The following STK32B variants were observed in gnomAD, a reference collection of about 807,000 sequenced individuals.
STK32B encodes the protein serine/threonine kinase 32B, also known as serine/threonine-protein kinase 32B.
STK32B carries 43 observed loss-of-function variants against 52.6 expected under a neutral mutation model. The ratio of observed to expected loss-of-function variants is 0.82; its 90% confidence interval spans 0.64 to 1.05. STK32B has a LOEUF of 1.05. STK32B is among the 50% of genes least tolerant of loss of function. The probability of loss-of-function intolerance (pLI) is 0.00; values close to 1 mark genes in which losing one functional copy is unlikely to be tolerated. For synonymous variants in STK32B, 238 were observed against 204.3 expected, an observed-to-expected ratio of 1.17 and a Z score of -1.41; for missense variants, 621 against 534.6, an observed-to-expected ratio of 1.16 and a Z score of -1.59.
intron 6 of STK32B, among the ~76,000 whole-genome samples, chr4:5,442,571 G>C (rs1714895632): frequency 1.3e-5 from 2 of 151,050 alleles, no homozygotes; most frequent in Admixed American, 1.3e-4. Flanking sequence ...TTGCCAGTCT[G>C]TGTCTTTTAA....
At chr4:5,141,258 G>C (rs1280372897) in intron 2 of STK32B, among the ~76,000 whole-genome samples, 1 of 152,190 alleles carries the variant, frequency 6.6e-6, no homozygotes, top group Non-Finnish European at 1.5e-5. Context: ...CTCTCATACA[G>C]GGTGTCAGGG....
intron 3 of STK32B, among the ~76,000 whole-genome samples, chr4:5,187,789 G>A (rs2108760428): frequency 6.6e-6 from 1 of 152,324 alleles, no homozygotes; most frequent in East Asian, 1.9e-4. Context: ...AACTCTGCCA[G>A]ACTCAGATCT....
chr4:5,353,316 A>T (rs1733961179), intron 4 of STK32B, among the ~76,000 whole-genome samples: 4 of 151,880 alleles, frequency 2.6e-5, no homozygotes, highest in African/African-American at 9.7e-5. Flanking sequence ...GAAAACAAGG[A>T]AAACAATTCA....
At chr4:5,495,357 G>C (rs548987748) in intron 11 of STK32B, among the ~76,000 whole-genome samples, 2 of 152,114 alleles carry the variant, frequency 1.3e-5, no homozygotes, top group Admixed American at 6.5e-5. Flanking sequence ...ATTTCTTCCA[G>C]TTGATCTCAT....
intron 3 of STK32B, among the ~76,000 whole-genome samples, chr4:5,176,764 C>A (rs1442859549): frequency 6.6e-6 from 1 of 152,132 alleles, no homozygotes; most frequent in African/African-American, 2.4e-5. Flanking sequence ...TTTCTTGATC[C>A]TCTGTTCATG....
At position 5,431,433 on chromosome 4, in the gene STK32B, T is replaced by C. The variant is rs147702189; in HGVS notation, c.562+14499T>C. 4.0e-3 allele frequency among the ~76,000 whole-genome samples: 608 copies of C among 152,334 alleles called. 1 individual carries two copies. Among genetic ancestry groups the C allele is most frequent in the African/African-American group, 0.014 (571 of 41,580 alleles). ...AGAAGTTCATCTCAAGTTTCACATA[T>C]TGACTGTAAAATGCACTGATTCTAA... On this transcript the variant is annotated intron_variant, in intron 6 of 11. Coordinates refer to ENST00000282908, the MANE Select transcript of STK32B (RefSeq NM_018401.3).
chr4:5,173,387 T>A (rs1719556994), intron 3 of STK32B, among the ~76,000 whole-genome samples: 1 of 152,120 alleles, frequency 6.6e-6, no homozygotes. Flanking sequence ...TTCTTTTAAT[T>A]GTGATGTTAG....
At chr4:5,464,149 C>T (rs2109159848) in intron 9 of STK32B, among the ~76,000 whole-genome samples, 1 of 152,314 alleles carries the variant, frequency 6.6e-6, no homozygotes, top group South Asian at 2.1e-4. Flanking sequence ...CCAGATGTCT[C>T]ACCAGAGCTC....
At chr4:5,288,010 A>G (rs1728660677) in intron 3 of STK32B, among the ~76,000 whole-genome samples, 1 of 152,198 alleles carries the variant, frequency 6.6e-6, no homozygotes, top group Non-Finnish European at 1.5e-5. Flanking sequence ...CATACAACAT[A>G]TAACCTATTA....
intron 4 of STK32B, among the ~76,000 whole-genome samples, chr4:5,336,402 A>C (rs1732697620): frequency 6.6e-6 from 1 of 152,084 alleles, no homozygotes; most frequent in South Asian, 2.1e-4. Context: ...ACATCCAGGG[A>C]AATCTTCTAA....
At chr4:5,043,099 C>G in the STK32B span, among the ~76,000 whole-genome samples, 5 of 115,116 alleles carry the variant, frequency 4.3e-5, no homozygotes, top group African/African-American at 1.7e-4. Context: ...GGCGACAGAG[C>G]GAGACTCCGT....
At chr4:5,047,791 C>G (rs1010809741), upstream of STK32B, among the ~76,000 whole-genome samples, 5 of 152,082 alleles carry the variant, frequency 3.3e-5, no homozygotes, top group African/African-American at 1.2e-4. Context: ...ACAGTGGCCC[C>G]CAGTAAAATA....
chr4:5,376,410 TCTCTCTCC>T (rs1454769685), intron 4 of STK32B, among the ~76,000 whole-genome samples: 1 of 151,902 alleles, frequency 6.6e-6, no homozygotes, highest in African/African-American at 2.4e-5. Context: ...TCTTTCTCTC[TCTCTCTCC>T]CCTGCCCCCC....
intron 3 of STK32B, among the ~76,000 whole-genome samples, chr4:5,184,537 A>G (rs998727815): frequency 3.7e-4 from 57 of 152,114 alleles, no homozygotes; most frequent in African/African-American, 1.3e-3. Context: ...AAAATACAAA[A>G]GTTAGCTGGG....
chr4:5,286,593 A>G (rs528774234), intron 3 of STK32B, among the ~76,000 whole-genome samples: 8 of 152,232 alleles, frequency 5.3e-5, no homozygotes, highest in African/African-American at 1.9e-4. Context: ...TTAACATAAT[A>G]CCTGTGAGAT....
At chr4:5,288,592 C>CT (rs1392715253) in intron 3 of STK32B, among the ~76,000 whole-genome samples, 1 of 151,894 alleles carries the variant, frequency 6.6e-6, no homozygotes, top group African/African-American at 2.4e-5. Flanking sequence ...GTTTATTTGT[C>CT]TTTTTATTAT....
At chr4:5,159,561 G>A (rs1177863507) in intron 2 of STK32B, among the ~76,000 whole-genome samples, 1 of 29,916 alleles carries the variant, frequency 3.3e-5, no homozygotes, top group Non-Finnish European at 6.6e-5. Context: ...GAATATATAT[G>A]AATGAATATA....
At chr4:5,498,506 C>T (rs541660800) in intron 11 of STK32B, among the ~76,000 whole-genome samples, 1 of 152,218 alleles carries the variant, frequency 6.6e-6, no homozygotes, top group South Asian at 2.1e-4. Context: ...CAGAGGATCC[C>T]CTGCTCCTAG....
intron 2 of STK32B, among the ~76,000 whole-genome samples, chr4:5,149,670 C>G (rs1181753854): frequency 1.3e-5 from 2 of 151,738 alleles, no homozygotes; most frequent in Non-Finnish European, 3.0e-5. Context: ...TGTATTGCAG[C>G]TTCTTAAATT....
Sources: gnomAD v4.1 joint callset for allele counts (sites outside exome capture counted in the v4.1 genomes callset) on GRCh38, gnomAD v4.1.1 for gene constraint, MANE v1.5 for transcripts, NCBI Gene and HGNC (gene_info 2026-07-23, HGNC 2026-07-21) for gene names.